PLXDC2: variants seen among roughly 807,000 people sequenced by gnomAD.
PLXDC2 encodes plexin domain containing 2, also known as plexin domain-containing protein 2.
PLXDC2 carries 40 observed loss-of-function variants against 68.9 expected under a neutral mutation model. The observed-to-expected ratio is 0.58, with a 90% CI of 0.45 to 0.76. PLXDC2 has a LOEUF of 0.76. PLXDC2 is among the 30% of genes least tolerant of loss of function. The pLI is 0.00. For synonymous variants in PLXDC2, 243 were observed against 234.2 expected (o/e 1.04, Z -0.34); for missense variants, 644 against 661.9 (o/e 0.97, Z 0.30).
intron 4 of PLXDC2, among the ~76,000 whole-genome samples, chr10:20,117,416 C>G (rs1222273783): frequency 6.6e-6 from 1 of 151,984 alleles, no homozygotes; most frequent in African/African-American, 2.4e-5. Flanking sequence ...TGTGTGCATG[C>G]GTGTGTGTGA....
chr10:19,959,196 C>CATCT (rs1422495474), intron 1 of PLXDC2, among the ~76,000 whole-genome samples: 1 of 152,180 alleles, frequency 6.6e-6, no homozygotes, highest in Non-Finnish European at 1.5e-5. Flanking sequence ...TCCCACTGTC[C>CATCT]ATCTGATAAG....
At chr10:20,121,814 T>C (rs553199288) in intron 4 of PLXDC2, among the ~76,000 whole-genome samples, 1 of 152,002 alleles carries the variant, frequency 6.6e-6, no homozygotes. Context: ...ATGGGGGAAT[T>C]GTAAGGAGAG....
At chr10:20,017,176 T>G (rs1589588253) in intron 2 of PLXDC2, among the ~76,000 whole-genome samples, 2 of 152,328 alleles carry the variant, frequency 1.3e-5, no homozygotes, top group Admixed American at 1.3e-4. Context: ...CTGAAGCCAC[T>G]GCTGTGAATC....
chr10:20,279,858 G>GT lies in PLXDC2; in HGVS notation c.*40dup. The GT allele has an allele frequency of 6.4e-7, 1 of 1,566,474 alleles. No homozygotes were observed. The highest frequency in any genetic ancestry group is 8.8e-7 in the Non-Finnish European group (1 of 1,139,494). On this transcript the variant is annotated 3_prime_UTR_variant, in exon 14 of 14. Coordinates refer to ENST00000377252, the MANE Select transcript of PLXDC2 (RefSeq NM_032812.9). ...GAACAACACCAGTACTGGTTTACAG[G>GT]TGTTAAGACTAAAATTTTGCCTATA...
intron 1 of PLXDC2, among the ~76,000 whole-genome samples, chr10:19,862,976 G>A (rs1466034113): frequency 6.6e-6 from 1 of 152,142 alleles, no homozygotes; most frequent in African/African-American, 2.4e-5. Context: ...AGTAGCGTGT[G>A]TCTGTCTTTT....
chr10:20,130,307 T>C (rs1364842480), intron 4 of PLXDC2, among the ~76,000 whole-genome samples: 1 of 152,146 alleles, frequency 6.6e-6, no homozygotes, highest in Non-Finnish European at 1.5e-5. Flanking sequence ...TTGGATAGTT[T>C]GTTGTTAGTG....
At chr10:20,036,011 A>G (rs545909962) in intron 2 of PLXDC2, among the ~76,000 whole-genome samples, 1 of 152,320 alleles carries the variant, frequency 6.6e-6, no homozygotes, top group Admixed American at 6.5e-5. Context: ...TCCTTATATT[A>G]GAAAGCTTGA....
intron 1 of PLXDC2, among the ~76,000 whole-genome samples, chr10:19,983,841 ACAGTCCCTCACCTTCC>A (rs1274610013): frequency 1.3e-5 from 2 of 152,042 alleles, no homozygotes; most frequent in African/African-American, 2.4e-5. Flanking sequence ...TTAACTCTTA[ACAGTCCCTCACCTTCC>A]CTCAGGTGAG....
intron 1 of PLXDC2, among the ~76,000 whole-genome samples, chr10:19,840,375 A>G (rs1007562160): frequency 6.6e-6 from 1 of 152,154 alleles, no homozygotes; most frequent in South Asian, 2.1e-4. Context: ...TTTAGGGGCT[A>G]TCTGGTCCAA....
intron 1 of PLXDC2, among the ~76,000 whole-genome samples, chr10:19,982,445 G>T (rs2131620958): frequency 6.6e-6 from 1 of 152,150 alleles, no homozygotes; most frequent in East Asian, 1.9e-4. Context: ...TTTCAGTTGT[G>T]GTACAGGCTG....
intron 13 of PLXDC2, among the ~76,000 whole-genome samples, chr10:20,268,973 G>C (rs1024566056): frequency 1.3e-5 from 2 of 152,170 alleles, no homozygotes; most frequent in Non-Finnish European, 2.9e-5. Flanking sequence ...AAGATATGCT[G>C]CTTAAAGCAT....
At chr10:19,936,722 T>G (rs1466878220) in intron 1 of PLXDC2, among the ~76,000 whole-genome samples, 2 of 152,188 alleles carry the variant, frequency 1.3e-5, no homozygotes, top group African/African-American at 4.8e-5. Flanking sequence ...GCCAAGGAAA[T>G]TGTCAAATGT....
intron 1 of PLXDC2, among the ~76,000 whole-genome samples, chr10:19,963,506 C>T (rs1355920057): frequency 6.6e-6 from 1 of 152,084 alleles, no homozygotes; most frequent in Non-Finnish European, 1.5e-5. Flanking sequence ...ACTATGCAGC[C>T]ATAAAAAATG....
At chr10:20,101,117 T>A (rs559377445) in intron 4 of PLXDC2, among the ~76,000 whole-genome samples, 1 of 152,284 alleles carries the variant, frequency 6.6e-6, no homozygotes, top group African/African-American at 2.4e-5. Flanking sequence ...CAGAGATAAG[T>A]ATTGATGGCA....
intron 1 of PLXDC2, among the ~76,000 whole-genome samples, chr10:19,944,026 A>G (rs1356269069): frequency 6.6e-6 from 1 of 152,198 alleles, no homozygotes; most frequent in East Asian, 1.9e-4. Flanking sequence ...ACTTTCCCGT[A>G]GCGATGATGC....
intron 4 of PLXDC2, among the ~76,000 whole-genome samples, chr10:20,089,574 C>G (rs1400909146): frequency 1.3e-5 from 2 of 152,100 alleles, no homozygotes; most frequent in Non-Finnish European, 2.9e-5. Flanking sequence ...AACCAGTAAG[C>G]TGGGGTCATT....
chr10:20,226,492 C>T (rs570866024), intron 12 of PLXDC2, among the ~76,000 whole-genome samples: 3 of 152,292 alleles, frequency 2.0e-5, no homozygotes, highest in South Asian at 4.1e-4. Flanking sequence ...TATGAAATTG[C>T]TGATTTTTAC....
chr10:20,131,777 C>T (rs1193070866), intron 4 of PLXDC2, among the ~76,000 whole-genome samples: 2 of 152,108 alleles, frequency 1.3e-5, no homozygotes, highest in Non-Finnish European at 2.9e-5. Flanking sequence ...AAAAACCCAA[C>T]TCCTAGTTTC....
intron 4 of PLXDC2, among the ~76,000 whole-genome samples, chr10:20,106,755 C>T (rs1419058406): frequency 6.6e-6 from 1 of 152,094 alleles, no homozygotes; most frequent in Admixed American, 6.6e-5. Flanking sequence ...AGAACACTCA[C>T]CTAGCTGTCC....
Sources: gnomAD v4.1 joint callset for allele counts (sites outside exome capture counted in the v4.1 genomes callset) on GRCh38, gnomAD v4.1.1 for gene constraint, MANE v1.5 for transcripts, NCBI Gene and HGNC (gene_info 2026-07-23, HGNC 2026-07-21) for gene names.